The following CFAP65 variants were observed in gnomAD, a reference collection of about 807,000 sequenced individuals.
CFAP65 encodes the protein cilia and flagella associated protein 65, also known as cilia- and flagella-associated protein 65.
CFAP65 carries 155 observed loss-of-function variants against 208.0 expected under a neutral mutation model. The ratio of observed to expected loss-of-function variants is 0.75; its 90% CI spans 0.65 to 0.85. The LOEUF (loss-of-function observed/expected upper bound fraction) is 0.85. Among genes scored for constraint, CFAP65 ranks in the 40% least tolerant of loss-of-function variants. The pLI, the probability that CFAP65 is intolerant of heterozygous loss-of-function variation, is 0.00. For missense variants in CFAP65, 2,294 were observed against 2,451.3 expected (o/e 0.94, Z 1.36); for synonymous variants, 970 against 986.3 (o/e 0.98, Z 0.31).
In CFAP65 at chr2:219,005,539, G is replaced by T. The variant is rs757001261; in HGVS notation, c.4946C>A (p.Pro1649His). 8.1e-6 allele frequency: 13 copies of T among 1,612,096 alleles called. No individual in the cohort carries two copies. Among genetic ancestry groups the T allele is most frequent in the Non-Finnish European group, 1.0e-5 (12 of 1,179,928 alleles). ...CTCAGAAGTCTCTGACTCTTCCCTG[G>T]GGGCCTTCCTCTTTGGCAGCTCCCT... The part of the protein sequence containing the change: ...LHRELPKRKA[P>H]REESETSEEK... The change falls in exon 32 of 35, where the codon CCC (proline) becomes CAC (histidine). Residue 1649 changes from proline (P) to histidine (H), a missense_variant. Physicochemically the swap from Pro to His is moderately conservative, Grantham distance 77 (BLOSUM62 -2). This residue lies in a region of CFAP65 where 1,427 missense variants were observed against 1,438.7 expected (regional missense o/e 0.99). Coordinates refer to ENST00000341552, the MANE Select transcript of CFAP65 (RefSeq NM_194302.4).
In CFAP65 at chr2:219,022,271, A is replaced by G. The variant is rs1162816516; in HGVS notation, c.2879T>C (p.Met960Thr). 1 of 1,608,060 alleles carries G rather than the reference A, an allele frequency of 6.2e-7. No individual in the cohort carries two copies. The highest frequency in any genetic ancestry group is 2.2e-5 in the East Asian group (1 of 44,722). ...GGACAGGCCGGCTTCCCAGACCCAC[A>G]TCCCCACTTGGAACAGGTACTTGGT... ...EETKYLFQVG[M>T]WVWEAGLSPN... Residue 960 changes from methionine to threonine, a missense_variant, in exon 17 of 35, where the codon ATG becomes ACG. Met to Thr is a moderately conservative substitution (Grantham distance 81, BLOSUM62 -1). This residue lies in a region of CFAP65 where 1,427 missense variants were observed against 1,438.7 expected (regional missense o/e 0.99). Transcript: ENST00000341552.
chr2:219,017,375 C>A (rs145063576), intron 21 of CFAP65, among the ~76,000 whole-genome samples: 6 of 152,178 alleles, frequency 3.9e-5, no homozygotes, highest in South Asian at 2.1e-4. Context: ...CTGGAGCTCC[C>A]CCTCCCACTT....
intron 18 of CFAP65, 87 bp downstream of exon 18, chr2:219,021,693 G>A (rs1456916574): frequency 6.2e-6 from 9 of 1,445,052 alleles, no homozygotes; most frequent in Non-Finnish European, 8.5e-6. Context: ...CTACAGGCGC[G>A]TGCCAGTGTG....
Position 219,010,651 on chromosome 2 carries a change from C to T in CFAP65, c.4203G>A (p.Gln1401=), listed in dbSNP as rs754468962. ...LGWNSALIHF[Q]GVGYNPHMMG... ...TCATATGGGGGTTGTAGCCCACTCC[C>T]TGGAAGTGGATGAGGGCCGAGTTCC... The change falls in exon 26 of 35, where the codon CAG becomes CAA. Residue 1401 remains glutamine, a synonymous_variant. Coordinates refer to ENST00000341552, the MANE Select transcript of CFAP65 (RefSeq NM_194302.4). The T allele has an allele frequency of 4.3e-6, 7 of 1,610,840 alleles. No homozygotes were observed. The highest frequency in any genetic ancestry group is 5.9e-6 in the Non-Finnish European group (7 of 1,179,196).
chr2:219,023,009 T>G (rs1461044290), intron 16 of CFAP65, among the ~76,000 whole-genome samples, 198 bp downstream of exon 16: 2 of 152,142 alleles, frequency 1.3e-5, no homozygotes, highest in African/African-American at 4.8e-5. Flanking sequence ...AGTAAATGGC[T>G]TCCCCTTCTC....
chr2:219,003,918 T>C lies in CFAP65; in HGVS notation c.5555+34A>G. 6.3e-7 allele frequency: 1 copy of C among 1,584,246 alleles called. No individual in the cohort carries two copies. The highest frequency in any genetic ancestry group is 8.6e-7 in the Non-Finnish European group (1 of 1,163,352). ...TCCTAGGAACCTTCTGCACTTCGCC[T>C]CCCTCCCGTCCTCACTGGGGCCTGG... is the stretch of plus-strand genomic sequence containing the variant. On this transcript the variant is annotated intron_variant, in intron 33 of 34. Coordinates refer to ENST00000341552, the MANE Select transcript of CFAP65 (RefSeq NM_194302.4). The surrounding 1 kb of genome is among the most constrained non-coding windows in gnomAD (Gnocchi z 4.4).
chr2:219,028,260 T>C lies in CFAP65; in HGVS notation c.1792A>G (p.Met598Val), dbSNP rs1279217246. 1 of 1,613,952 alleles carries C rather than the reference T, an allele frequency of 6.2e-7. No individual in the cohort carries two copies. Among genetic ancestry groups the C allele is most frequent in the Non-Finnish European group, 8.5e-7 (1 of 1,179,998 alleles). ...TLYPPDILDA[M>V]LKEKKLAQDQ... ...TGTGCCAGCTTCTTCTCCTTCAGCA[T>C]GGCATCCAGGATGTCAGGGGGGTAG... is the stretch of plus-strand genomic sequence containing the variant. Residue 598 changes from methionine (M) to valine (V), a missense_variant, in exon 12 of 35, where the codon ATG becomes GTG. By Grantham distance (21) the Met-to-Val change is conservative (BLOSUM62 1). Around this residue, in one of 2 missense-constraint regions of CFAP65, gnomAD observed 867 missense variants for 1,012.6 expected, o/e 0.86. Coordinates refer to ENST00000341552, the MANE Select transcript of CFAP65 (RefSeq NM_194302.4).
rs755317840 is a variant in CFAP65 at position 219,024,117 on chromosome 2, G to A, written c.2493C>T (p.Pro831=). Residue 831 remains proline, a synonymous_variant, in exon 15 of 35, where the codon CCC becomes CCT. Transcript: ENST00000341552. Reference sequence around the variant, plus strand: ...AGATGAGGATGATCTGGTGGGCCCCGGGTGCCACAAGGCCCGAAGTGGGCC... The same window carrying A: ...AGATGAGGATGATCTGGTGGGCCCCAGGTGCCACAAGGCCCGAAGTGGGCC... ...ILRPTSGLVA[P]GAHQIILICT... The A allele has an allele frequency of 3.3e-5, 54 of 1,613,946 alleles. No homozygotes were observed. Among genetic ancestry groups the A allele is most frequent in the Non-Finnish European group, 4.2e-5 (50 of 1,180,034 alleles).
rs757197711 is a variant in CFAP65 at position 219,003,111 on chromosome 2, G to A, written c.5693+24C>T. Reference sequence around the variant, plus strand: ...GTGGCCCCTCTCGCGCGGTCTGCGCGGCCGCTGGTCCCGGCGCCCTTACCT... The same window carrying A: ...GTGGCCCCTCTCGCGCGGTCTGCGCAGCCGCTGGTCCCGGCGCCCTTACCT... On this transcript the variant is annotated intron_variant, in intron 34 of 34. Transcript: ENST00000341552. This position sits in a 1 kb window ranked among gnomAD's most constrained non-coding sequence, Gnocchi z 4.4. 18 of 1,542,816 alleles carry A rather than the reference G, an allele frequency of 1.2e-5. No individual in the cohort carries two copies. The highest frequency in any genetic ancestry group is 7.2e-5 in the South Asian group (6 of 83,824).
chr2:219,031,056 A>G lies in CFAP65; in HGVS notation c.1015+50T>C. Reference sequence around the variant, plus strand: ...GGGGACACTGAGGCCTGGAGGACCCAGAAGGTGCAGGAGGGGCCAGTCTGG... The same window carrying G: ...GGGGACACTGAGGCCTGGAGGACCCGGAAGGTGCAGGAGGGGCCAGTCTGG... On this transcript the variant is annotated intron_variant, in intron 8 of 34. Transcript: ENST00000341552. The surrounding 1 kb of genome is among the most constrained non-coding windows in gnomAD (Gnocchi z 5.2). 6.5e-7 allele frequency: 1 copy of G among 1,539,214 alleles called. No homozygotes were observed. The highest frequency in any genetic ancestry group is 8.8e-7 in the Non-Finnish European group (1 of 1,138,140).
intron 5 of CFAP65, among the ~76,000 whole-genome samples, chr2:219,033,021 A>T (rs1298001828): frequency 1.3e-5 from 2 of 152,204 alleles, no homozygotes; most frequent in Non-Finnish European, 2.9e-5. Context: ...TTAATAAGAC[A>T]ATGACATTGT....
intron 19 of CFAP65, 109 bp from the exon 20 acceptor site, chr2:219,019,828 C>T (rs1170126193): frequency 1.7e-5 from 14 of 811,744 alleles, no homozygotes; most frequent in South Asian, 8.1e-5. Context: ...CCAGGACCCT[C>T]ATCAGGAGCA....
At chr2:219,029,895 C>A in intron 10 of CFAP65, 91 bp downstream of exon 10, 1 of 1,332,424 alleles carries the variant, frequency 7.5e-7, no homozygotes, top group Non-Finnish European at 1.0e-6. Context: ...GGCAAGGTGG[C>A]CCCGCCTCCT....
In CFAP65 at chr2:219,031,147, G is replaced by A. The variant is rs760280529; in HGVS notation, c.974C>T (p.Ala325Val). ...GATGCTGCTCCTCTGCCGGCTGCCC[G>A]CCCCGTACCAGCACGTGGCCTGCAC... ...YEVQATCWYGAGSRQRSSIQL... is the reference protein window; with the variant it reads ...YEVQATCWYGVGSRQRSSIQL... Residue 325 changes from alanine to valine, a missense_variant, in exon 8 of 35, where the codon GCG (alanine) becomes GTG (valine). By Grantham distance (64) the Ala-to-Val change is moderately conservative (BLOSUM62 0). Around this residue, in one of 2 missense-constraint regions of CFAP65, gnomAD observed 867 missense variants for 1,012.6 expected, o/e 0.86. Coordinates refer to ENST00000341552, the MANE Select transcript of CFAP65 (RefSeq NM_194302.4). The surrounding 1 kb of genome is among the most constrained non-coding windows in gnomAD (Gnocchi z 5.2). 6.2e-6 allele frequency: 10 copies of A among 1,604,698 alleles called. No homozygotes were observed. Among genetic ancestry groups the A allele is most frequent in the East Asian group, 2.2e-5 (1 of 44,580 alleles).
At position 219,032,729 on chromosome 2, in the gene CFAP65, G is replaced by A. The variant is rs1028829032; in HGVS notation, c.543-157C>T. ...GAGCACGTGGAGATGGAAACTCAGG[G>A]GTTTGGTCACAAGAGGACCCACCCT... On this transcript the variant is annotated intron_variant, in intron 5 of 34. Coordinates refer to ENST00000341552, the MANE Select transcript of CFAP65 (RefSeq NM_194302.4). The surrounding 1 kb of genome is among the most constrained non-coding windows in gnomAD (Gnocchi z 5.5). 3.3e-5 allele frequency among the ~76,000 whole-genome samples: 5 copies of A among 151,854 alleles called. No homozygotes were observed. Among genetic ancestry groups the A allele is most frequent in the African/African-American group, 9.7e-5 (4 of 41,290 alleles).
intron 2 of CFAP65, 129 bp from the exon 3 acceptor site, chr2:219,039,179 ATGC>A: frequency 2.6e-6 from 2 of 768,596 alleles, no homozygotes; most frequent in Non-Finnish European, 4.0e-6. Flanking sequence ...TGCTATGTAT[ATGC>A]CAGATGCTAT....
chr2:219,027,241 T>C (rs1947690622), intron 13 of CFAP65: 2 of 1,350,092 alleles, frequency 1.5e-6, no homozygotes, highest in Non-Finnish European at 1.9e-6. Flanking sequence ...CACAATTATC[T>C]GGTGCTGCTG....
intron 20 of CFAP65, 49 bp from the exon 21 acceptor site, chr2:219,019,228 A>G (rs750256072): frequency 6.4e-7 from 1 of 1,557,502 alleles, no homozygotes; most frequent in Admixed American, 1.9e-5. Context: ...GGGCCAGGGC[A>G]GGGCCCTCCC....
chr2:219,018,904 T>C, intron 21 of CFAP65, 147 bp downstream of exon 21: 1 of 1,090,392 alleles, frequency 9.2e-7, no homozygotes, highest in Non-Finnish European at 1.4e-6. Flanking sequence ...AGTTCCACCC[T>C]GGCCTCCACA....
Sources: gnomAD v4.1 joint callset for allele counts (sites outside exome capture counted in the v4.1 genomes callset) on GRCh38, gnomAD v4.1.1 for gene constraint, gnomAD v4.1.1 regional missense constraint, Gnocchi (gnomAD v3.1) non-coding constraint, MANE v1.5 for transcripts, NCBI Gene and HGNC (gene_info 2026-07-23, HGNC 2026-07-21) for gene names.